Variants in NPRL3 observed in about 807,000 individuals in gnomAD.
NPRL3 encodes the protein GATOR1 complex protein NPRL3.
A neutral mutation model predicts 57.2 loss-of-function variants in NPRL3; 23 were observed. That is an observed-to-expected ratio of 0.40 (90% CI 0.29 to 0.57). The LOEUF (loss-of-function observed/expected upper bound fraction) is 0.57. Ranked by LOEUF, NPRL3 falls within the 20% of genes least tolerant of loss-of-function variation. NPRL3 has a pLI of 0.42. For missense variants in NPRL3, 691 were observed against 767.1 expected, an observed-to-expected ratio of 0.90 and a Z score of 1.17; for synonymous variants, 333 against 321.1, an observed-to-expected ratio of 1.04 and a Z score of -0.39.
chr16:115,450 C>G (rs919637324), intron 5 of NPRL3, among the ~76,000 whole-genome samples: 1 of 151,318 alleles, frequency 6.6e-6, no homozygotes, highest in African/African-American at 2.4e-5. Flanking sequence ...TCGTCAATAT[C>G]ACGGCCAGCT....
intron 2 of NPRL3, among the ~76,000 whole-genome samples, chr16:132,178 T>C: frequency 6.6e-6 from 1 of 152,088 alleles, no homozygotes; most frequent in East Asian, 1.9e-4. Flanking sequence ...CGGCTAGTTT[T>C]TGTATTTTTA....
chr16:95,656 A>G (rs1440634573), intron 9 of NPRL3, among the ~76,000 whole-genome samples: 1 of 152,092 alleles, frequency 6.6e-6, no homozygotes, highest in African/African-American at 2.4e-5. Context: ...TGCAGCCTCG[A>G]ACACCAGGGC....
intron 6 of NPRL3, among the ~76,000 whole-genome samples, chr16:112,190 T>C (rs1026290368): frequency 1.3e-5 from 2 of 152,216 alleles, no homozygotes; most frequent in African/African-American, 4.8e-5. Flanking sequence ...GCCTCACCTA[T>C]GTGAACGGTG....
intron 5 of NPRL3, among the ~76,000 whole-genome samples, 172 bp from the exon 6 acceptor site, chr16:112,947 G>C (rs1899880932): frequency 6.6e-6 from 1 of 152,162 alleles, no homozygotes; most frequent in Admixed American, 6.5e-5. Flanking sequence ...CATTTCCTGA[G>C]TCCCCTCCAG....
chr16:103,794 C>T (rs1017459558), intron 7 of NPRL3, among the ~76,000 whole-genome samples: 15 of 152,132 alleles, frequency 9.9e-5, no homozygotes, highest in African/African-American at 3.4e-4. Context: ...GCCTGGCCAA[C>T]ATGGTGAAAC....
At position 85,400 on chromosome 16, in the gene NPRL3, G is replaced by A; in HGVS notation, c.*1305C>T. 1.2e-6 allele frequency: 2 copies of A among 1,600,526 alleles called. No homozygotes were observed. Among genetic ancestry groups the A allele is most frequent in the Non-Finnish European group, 1.7e-6 (2 of 1,172,736 alleles). On this transcript the variant is annotated 3_prime_UTR_variant, in exon 14 of 14. Coordinates refer to ENST00000611875, the MANE Select transcript of NPRL3 (RefSeq NM_001077350.3). The stretch of plus-strand genomic sequence containing the variant: ...CCACTTCCAAACTGTCCGTCCCACA[G>A]GGGACGGGGCTTGCGTCTTGCTGCG...
Position 119,222 on chromosome 16 carries a change from T to A in NPRL3, c.222A>T (p.Ala74=). The change falls in exon 4 of 14, where the codon GCA becomes GCT. Residue 74 remains alanine, a synonymous_variant. Transcript: ENST00000611875. ...TTTGGCCACACATTTCAGACTTGGT[T>A]GCCAAAATTGTTGCCAGAATAACAT... is the stretch of plus-strand genomic sequence containing the variant. ...FSDVILATIL[A]TKSEMCGQKF... is the part of the protein sequence containing the mutation. 1 of 1,610,956 alleles carries A rather than the reference T, an allele frequency of 6.2e-7. No individual in the cohort carries two copies. Among genetic ancestry groups the A allele is most frequent in the East Asian group, 2.2e-5 (1 of 44,818 alleles).
chr16:98,553 C>T (rs895060702), intron 8 of NPRL3, among the ~76,000 whole-genome samples: 3 of 152,092 alleles, frequency 2.0e-5, no homozygotes, highest in Admixed American at 2.0e-4. Flanking sequence ...GCACCTGGGA[C>T]ACAAACAGGC....
chr16:93,774 C>T (rs2141910502), intron 9 of NPRL3, among the ~76,000 whole-genome samples: 1 of 152,296 alleles, frequency 6.6e-6, no homozygotes, highest in Non-Finnish European at 1.5e-5. Flanking sequence ...CCATGTTGGC[C>T]AGGATGGTCT....
chr16:131,140 G>T (rs1900771755), intron 2 of NPRL3, among the ~76,000 whole-genome samples: 1 of 152,202 alleles, frequency 6.6e-6, no homozygotes, highest in African/African-American at 2.4e-5. Context: ...TTCGAAACCA[G>T]CCTGGCCAAC....
intron 2 of NPRL3, among the ~76,000 whole-genome samples, chr16:133,058 T>C (rs1472354614): frequency 6.6e-6 from 1 of 152,202 alleles, no homozygotes; most frequent in East Asian, 1.9e-4. Context: ...TTCTGCAGCT[T>C]CCTTACCTCT....
At chr16:133,844 C>G (rs777147370) in intron 2 of NPRL3, among the ~76,000 whole-genome samples, 2 of 152,058 alleles carry the variant, frequency 1.3e-5, no homozygotes, top group Non-Finnish European at 2.9e-5. Context: ...TCACTTGAAC[C>G]CTTAGAGGCC....
rs1898469332 is a variant in NPRL3 at position 86,373 on chromosome 16, G to A, written c.*332C>T. The A allele has an allele frequency of 7.1e-5, 21 of 295,614 alleles. No homozygotes were observed. Among genetic ancestry groups the A allele is most frequent in the South Asian group, 3.3e-4 (5 of 15,202 alleles). 18.3% of individuals were successfully genotyped at this position (295,614 alleles called of 1,614,324 possible). On this transcript the variant is annotated 3_prime_UTR_variant, in exon 14 of 14. Transcript: ENST00000611875. ...GTGTAGGGACAGAAGGAGGGTCTGA[G>A]AAACGCACAGCCCACATGGGCCTTG...
chr16:93,106 G>A (rs1898832584), intron 10 of NPRL3, 113 bp downstream of exon 10: 3 of 746,610 alleles, frequency 4.0e-6, no homozygotes, highest in Admixed American at 2.1e-5. Context: ...CTGGCCTTGG[G>A]GCTTCCACAG....
At chr16:94,268 TGA>T (rs1898891588) in intron 9 of NPRL3, among the ~76,000 whole-genome samples, 1 of 152,112 alleles carries the variant, frequency 6.6e-6, no homozygotes, top group African/African-American at 2.4e-5. Context: ...GCCTGAGGTC[TGA>T]GAGCACAGCA....
At chr16:95,338 T>C (rs1488588537) in intron 9 of NPRL3, among the ~76,000 whole-genome samples, 1 of 54,092 alleles carries the variant, frequency 1.8e-5, no homozygotes, top group African/African-American at 4.2e-5. Context: ...TATATATATA[T>C]ATATATATAT....
intron 3 of NPRL3, among the ~76,000 whole-genome samples, chr16:121,242 C>T (rs1373687430): frequency 1.3e-5 from 2 of 152,124 alleles, no homozygotes; most frequent in African/African-American, 4.8e-5. Context: ...TCAAGGCGCC[C>T]TCACAACAGC....
At chr16:100,627 G>A in intron 7 of NPRL3, 118 bp from the exon 8 acceptor site, 1 of 1,028,790 alleles carries the variant, frequency 9.7e-7, no homozygotes. Context: ...ACTGCAGGTG[G>A]AGACCCGGGC....
chr16:133,403 T>TC (rs1427790968), intron 2 of NPRL3, among the ~76,000 whole-genome samples: 2 of 152,088 alleles, frequency 1.3e-5, no homozygotes, highest in African/African-American at 4.8e-5. Flanking sequence ...TTTTTGTATT[T>TC]TTTTTTTTAG....
Sources: allele counts gnomAD v4.1 joint callset (sites outside exome capture counted in the v4.1 genomes callset), GRCh38; gene constraint gnomAD v4.1.1; transcripts MANE v1.5; gene names NCBI Gene and HGNC (gene_info 2026-07-23, HGNC 2026-07-21).